CLCN4: variants seen among roughly 807,000 people sequenced by gnomAD.
CLCN4 encodes the protein Cl-/H+ antiporter 4.
CLCN4 carries 1 observed loss-of-function variant against 41.7 expected under a neutral mutation model. That is an observed-to-expected ratio of 0.02 (90% CI 0.01 to 0.11). The LOEUF (loss-of-function observed/expected upper bound fraction) is 0.11. Ranked by LOEUF, CLCN4 falls within the 10% of genes least tolerant of loss-of-function variation. The pLI is 1.00. For missense variants in CLCN4, 287 were observed against 661.0 expected (o/e 0.43, Z 6.20); for synonymous variants, 277 against 285.8 (o/e 0.97, Z 0.31).
intron 12 of CLCN4, among the ~76,000 whole-genome samples, chrX:10,224,293 CGTGTGTGTGTGT>C (rs772983564): frequency 1.3e-4 from 11 of 87,902 alleles, no homozygotes; most frequent in South Asian, 6.2e-4. Context: ...GGGAGGGTTC[CGTGTGTGTGTGT>C]GTGTGTGTGT....
In CLCN4 at chrX:10,214,735, G is replaced by A. The variant is rs745917728; in HGVS notation, c.1975+656G>A. ...CACTGAGGGGCAGGCTGTTGAGTTG[G>A]GGGAGGGGAGTATGGGATGATGCCC... is the stretch of plus-strand genomic sequence containing the variant. On this transcript the variant is annotated intron_variant, in intron 11 of 12. Transcript: ENST00000380833. Among the ~76,000 whole-genome samples the A allele has an allele frequency of 1.2e-3, 134 of 112,558 alleles. 1 individual carries two copies. Among genetic ancestry groups the A allele is most frequent in the Non-Finnish European group, 2.0e-3 (105 of 53,265 alleles).
chrX:10,220,144 T>C (rs1924821991), intron 11 of CLCN4, among the ~76,000 whole-genome samples: 1 of 111,967 alleles, frequency 8.9e-6, no homozygotes, highest in Admixed American at 9.5e-5. Context: ...TTGAGCTGCA[T>C]TTCTGGGCTG....
chrX:10,184,323 GC>G (rs78654423), intron 2 of CLCN4, among the ~76,000 whole-genome samples: 32,040 of 110,074 alleles, frequency 0.29, 4,022 homozygotes, highest in African/African-American at 0.47. Flanking sequence ...GTTATGTGTA[GC>G]CCCCCAGATC....
chrX:10,179,729 TTCATTTTAACAAA>T (rs1421926126), intron 2 of CLCN4, among the ~76,000 whole-genome samples: 1 of 112,010 alleles, frequency 8.9e-6, no homozygotes, highest in Non-Finnish European at 1.9e-5. Context: ...AAACATGATT[TTCATTTTAACAAA>T]CATTTATGAA....
chrX:10,170,133 A>C (rs1302304714), intron 2 of CLCN4, among the ~76,000 whole-genome samples: 1 of 112,144 alleles, frequency 8.9e-6, no homozygotes, highest in Non-Finnish European at 1.9e-5. Context: ...TGTCCAAAGC[A>C]TTCAATAGCT....
intron 2 of CLCN4, among the ~76,000 whole-genome samples, chrX:10,163,565 C>T (rs1256930915): frequency 1.8e-5 from 2 of 110,192 alleles, no homozygotes; most frequent in African/African-American, 3.3e-5. Flanking sequence ...CACCACCACG[C>T]CTGGCTAATT....
intron 2 of CLCN4, among the ~76,000 whole-genome samples, chrX:10,165,005 G>A (rs1027220479): frequency 4.5e-5 from 5 of 112,345 alleles, no homozygotes; most frequent in African/African-American, 1.6e-4. Context: ...TGGCTGGAGG[G>A]TCAACCCCCA....
At chrX:10,181,566 C>A (rs756082948) in intron 2 of CLCN4, among the ~76,000 whole-genome samples, 1 of 110,984 alleles carries the variant, frequency 9.0e-6, no homozygotes, top group Non-Finnish European at 1.9e-5. Flanking sequence ...TTCAAAGATA[C>A]GGGTTTCTAC....
At chrX:10,185,560 A>T (rs1297361057) in intron 3 of CLCN4, among the ~76,000 whole-genome samples, 1 of 112,309 alleles carries the variant, frequency 8.9e-6, no homozygotes, top group Non-Finnish European at 1.9e-5. Flanking sequence ...ATGGACCACA[A>T]TGGTTATCTG....
chrX:10,163,907 C>T (rs956782337), intron 2 of CLCN4, among the ~76,000 whole-genome samples: 1 of 112,476 alleles, frequency 8.9e-6, no homozygotes, highest in East Asian at 2.8e-4. Context: ...GTTGTAATAA[C>T]AAAAAATGTC....
chrX:10,174,078 C>T (rs1820629214), intron 2 of CLCN4, among the ~76,000 whole-genome samples: 1 of 112,325 alleles, frequency 8.9e-6, no homozygotes, highest in Non-Finnish European at 1.9e-5. Context: ...TCAAGCATCC[C>T]CTGGGGGCAG....
chrX:10,209,411 A>G (rs1294837064), intron 9 of CLCN4, among the ~76,000 whole-genome samples: 1 of 102,761 alleles, frequency 9.7e-6, no homozygotes, highest in African/African-American at 3.6e-5. Context: ...CCCAGGCTGG[A>G]ATACAGTGGC....
chrX:10,190,500 G>A (rs955681240), intron 4 of CLCN4, among the ~76,000 whole-genome samples: 4 of 111,149 alleles, frequency 3.6e-5, no homozygotes, highest in African/African-American at 1.3e-4. Flanking sequence ...TGACATTACC[G>A]GACCCTGTGG....
chrX:10,183,369 C>G (rs1923732661), intron 2 of CLCN4, among the ~76,000 whole-genome samples: 1 of 111,804 alleles, frequency 8.9e-6, no homozygotes, highest in African/African-American at 3.3e-5. Context: ...CATAGTGACT[C>G]TTCAATTTGA....
chrX:10,172,684 C>CAT (rs1923413061), intron 2 of CLCN4, among the ~76,000 whole-genome samples: 3 of 89,212 alleles, frequency 3.4e-5, no homozygotes, highest in South Asian at 5.6e-4. Flanking sequence ...AGAGGGCATG[C>CAT]GTGTGTGTGT....
rs981375501 is a variant in CLCN4, at chrX:10,158,537, G to A, written c.-26G>A. 1.6e-4 allele frequency: 48 copies of A among 295,920 alleles called. No homozygotes were observed. Among genetic ancestry groups the A allele is most frequent in the African/African-American group, 1.3e-3 (47 of 36,962 alleles). 24.4% of individuals were successfully genotyped at this position (295,920 alleles called of 1,213,427 possible). The stretch of plus-strand genomic sequence containing the variant: ...TGTCCAGGTGGGCGGCCGCGGGCGC[G>A]ATGCGGCACTGCAGGTAAGGGGCGC... On this transcript the variant is annotated 5_prime_UTR_variant, in exon 2 of 13. Coordinates refer to ENST00000380833, the MANE Select transcript of CLCN4 (RefSeq NM_001830.4).
chrX:10,172,684 CGTGT>C (rs34697600), intron 2 of CLCN4, among the ~76,000 whole-genome samples: 1 of 89,210 alleles, frequency 1.1e-5, no homozygotes, highest in Admixed American at 1.2e-4. Context: ...AGAGGGCATG[CGTGT>C]GTGTGTGTGT....
intron 2 of CLCN4, among the ~76,000 whole-genome samples, chrX:10,178,783 G>C (rs1265849727): frequency 9.0e-6 from 1 of 111,317 alleles, no homozygotes; most frequent in Non-Finnish European, 1.9e-5. Flanking sequence ...GTTCCTCCAA[G>C]ACTTCATTGC....
Position 10,228,075 on chromosome X carries a change from C to T in CLCN4, c.2193-5419C>T, listed in dbSNP as rs1925033682. 4.5e-5 allele frequency among the ~76,000 whole-genome samples: 5 copies of T among 111,261 alleles called. 1 individual carries two copies. In the Admixed American group the frequency reaches 4.8e-4, roughly 11 times the overall value. On this transcript the variant is annotated intron_variant, in intron 12 of 12. Transcript: ENST00000380833. ...GTCTCCCAGCACCTCAAGCATTTAT[C>T]CTTCGGGTTACAAACATTCCAATTC...
Sources: gnomAD v4.1 joint callset for allele counts (sites outside exome capture counted in the v4.1 genomes callset) on GRCh38, gnomAD v4.1.1 for gene constraint, MANE v1.5 for transcripts, NCBI Gene and HGNC (gene_info 2026-07-23, HGNC 2026-07-21) for gene names.